The following NELL2 variants were observed in gnomAD, a reference collection of about 807,000 sequenced individuals.
NELL2 encodes the protein protein kinase C-binding protein NELL2.
In NELL2, 41 loss-of-function variants were observed where a neutral mutation model predicts 109.6. The observed-to-expected ratio is 0.37, with a 90% CI of 0.29 to 0.49. The LOEUF is 0.49. Ranked by LOEUF, NELL2 falls within the 20% of genes least tolerant of loss-of-function variation. The pLI is 0.98. For missense variants in NELL2, 900 were observed against 1,008.3 expected (o/e 0.89, Z 1.45); for synonymous variants, 355 against 344.7 (o/e 1.03, Z -0.33).
chr12:44,896,834 T>C (rs1021787540), intron 1 of NELL2, among the ~76,000 whole-genome samples: 6 of 152,126 alleles, frequency 3.9e-5, no homozygotes, highest in Admixed American at 3.9e-4. Flanking sequence ...GAAAGTCAAC[T>C]TTAGATGCAC....
chr12:44,782,648 C>T lies in NELL2; in HGVS notation c.336-2626G>A, dbSNP rs1942008589. 2.0e-5 allele frequency among the ~76,000 whole-genome samples: 3 copies of T among 151,540 alleles called. 1 individual carries two copies. In the South Asian group the frequency reaches 6.2e-4, roughly 32 times the overall value. On this transcript the variant is annotated intron_variant, in intron 3 of 19. Transcript: ENST00000429094. ...AGAGCCAAAAAATACCAAAGACAAACAGAAATGCTATAAAAATGATGAAAA... is the reference window on the plus strand; with the variant it reads ...AGAGCCAAAAAATACCAAAGACAAATAGAAATGCTATAAAAATGATGAAAA...
chr12:44,892,366 A>G (rs932300286), intron 1 of NELL2, among the ~76,000 whole-genome samples: 3 of 152,144 alleles, frequency 2.0e-5, no homozygotes, highest in East Asian at 3.8e-4. Flanking sequence ...CATGATTATC[A>G]TAATAATATC....
intron 13 of NELL2, among the ~76,000 whole-genome samples, chr12:44,636,614 TG>T (rs1401353483): frequency 6.6e-6 from 1 of 152,206 alleles, no homozygotes; most frequent in Non-Finnish European, 1.5e-5. Context: ...GAACCAGCCT[TG>T]CATCCCAGGG....
chr12:44,771,639 T>C (rs1161806901), intron 9 of NELL2, among the ~76,000 whole-genome samples: 2 of 152,228 alleles, frequency 1.3e-5, no homozygotes, highest in Non-Finnish European at 2.9e-5. Flanking sequence ...AGCACACTAT[T>C]TTAATGGTCC....
chr12:44,588,170 CA>C (rs35003349), intron 15 of NELL2, among the ~76,000 whole-genome samples: 28,888 of 100,882 alleles, frequency 0.29, 2,717 homozygotes, highest in East Asian at 0.36. Flanking sequence ...GACTCCGTCT[CA>C]AAAAAAAAAA....
intron 13 of NELL2, among the ~76,000 whole-genome samples, chr12:44,619,125 G>A (rs1945945401): frequency 6.6e-6 from 1 of 152,146 alleles, no homozygotes; most frequent in African/African-American, 2.4e-5. Context: ...GGCCGAACAG[G>A]TGGCTCTTGA....
intron 15 of NELL2, among the ~76,000 whole-genome samples, chr12:44,536,145 T>C (rs1400626601): frequency 2.6e-5 from 4 of 152,004 alleles, no homozygotes; most frequent in African/African-American, 9.6e-5. Flanking sequence ...CATGTTTTTT[T>C]CGCTCATGAC....
intron 13 of NELL2, among the ~76,000 whole-genome samples, chr12:44,661,881 T>C (rs1418022792): frequency 6.6e-6 from 1 of 152,066 alleles, no homozygotes; most frequent in Non-Finnish European, 1.5e-5. Flanking sequence ...TATTTTTCTC[T>C]TCTCTATTTC....
intron 15 of NELL2, among the ~76,000 whole-genome samples, chr12:44,592,202 C>A (rs1201211722): frequency 1.3e-5 from 2 of 152,156 alleles, no homozygotes; most frequent in Non-Finnish European, 2.9e-5. Context: ...AAAAATTATA[C>A]CTGCCTCATA....
At chr12:44,861,988 C>A (rs1455565785) in intron 2 of NELL2, among the ~76,000 whole-genome samples, 1 of 152,146 alleles carries the variant, frequency 6.6e-6, no homozygotes. Flanking sequence ...ATAACACCAC[C>A]AAAAGTGCAC....
At chr12:44,771,717 T>C (rs1367193890) in intron 9 of NELL2, among the ~76,000 whole-genome samples, 2 of 152,248 alleles carry the variant, frequency 1.3e-5, no homozygotes, top group Admixed American at 1.3e-4. Flanking sequence ...AAAGGCTTGG[T>C]TTCTTCTGAC....
Position 44,872,414 on chromosome 12 carries a change from C to T in NELL2, c.184+2811G>A, listed in dbSNP as rs77460209. The stretch of plus-strand genomic sequence containing the variant: ...CAACAACAAAACCATTTTAGTGATA[C>T]TATAGTTGCTATTATTATTTTTAAA... On this transcript the variant is annotated intron_variant, in intron 2 of 19. Coordinates refer to ENST00000429094, the MANE Select transcript of NELL2 (RefSeq NM_001145108.2). Among the ~76,000 whole-genome samples, 1,191 of 152,206 alleles carry T rather than the reference C, an allele frequency of 7.8e-3. 15 individuals are homozygous for T. The highest frequency in any genetic ancestry group is 0.027 in the African/African-American group (1,113 of 41,542).
intron 15 of NELL2, among the ~76,000 whole-genome samples, chr12:44,602,752 G>T (rs1400161163): frequency 6.6e-6 from 1 of 151,894 alleles, no homozygotes; most frequent in Admixed American, 6.6e-5. Context: ...ATGTAAAAAT[G>T]ATATACACTT....
At chr12:44,796,724 G>A (rs933107886) in intron 3 of NELL2, among the ~76,000 whole-genome samples, 1 of 152,058 alleles carries the variant, frequency 6.6e-6, no homozygotes, top group Non-Finnish European at 1.5e-5. Flanking sequence ...ACTTTTTCAT[G>A]AATAATATAG....
chr12:44,773,101 A>G (rs1012304760), intron 9 of NELL2, among the ~76,000 whole-genome samples: 10 of 152,222 alleles, frequency 6.6e-5, no homozygotes, highest in African/African-American at 2.2e-4. Context: ...CCTGTATCTA[A>G]TAACACTGAC....
intron 15 of NELL2, among the ~76,000 whole-genome samples, chr12:44,583,595 G>C (rs1944395494): frequency 6.6e-6 from 1 of 152,070 alleles, no homozygotes; most frequent in African/African-American, 2.4e-5. Flanking sequence ...AAAAAACAAA[G>C]ATTTATGACA....
chr12:44,804,784 T>C (rs1402419872), intron 3 of NELL2, among the ~76,000 whole-genome samples: 5 of 151,960 alleles, frequency 3.3e-5, no homozygotes, highest in Non-Finnish European at 7.4e-5. Flanking sequence ...TGCATATGAA[T>C]GTATGGTAGA....
At chr12:44,857,478 C>T (rs1944715884) in intron 2 of NELL2, among the ~76,000 whole-genome samples, 1 of 152,124 alleles carries the variant, frequency 6.6e-6, no homozygotes, top group African/African-American at 2.4e-5. Context: ...AACATTCCAC[C>T]GGCCCCTGAA....
At chr12:44,760,334 C>T (rs1941069695) in intron 9 of NELL2, among the ~76,000 whole-genome samples, 1 of 152,050 alleles carries the variant, frequency 6.6e-6, no homozygotes, top group Non-Finnish European at 1.5e-5. Context: ...AGAGAATTAT[C>T]TTTAAAAGAT....
Sources: gnomAD v4.1 joint callset for allele counts (sites outside exome capture counted in the v4.1 genomes callset) on GRCh38, gnomAD v4.1.1 for gene constraint, MANE v1.5 for transcripts, NCBI Gene and HGNC (gene_info 2026-07-23, HGNC 2026-07-21) for gene names.